Variants in ARHGAP6 observed in about 807,000 individuals in gnomAD.
The protein encoded by ARHGAP6 is Rho GTPase activating protein 6, also known as rho GTPase-activating protein 6.
ARHGAP6 carries 16 observed loss-of-function variants against 55.7 expected under a neutral mutation model. That is an observed-to-expected ratio of 0.29 (90% CI 0.19 to 0.44). The LOEUF is 0.44. Among genes scored for constraint, ARHGAP6 ranks in the 20% least tolerant of loss-of-function variants. The pLI is 1.00. For missense variants in ARHGAP6, 698 were observed against 808.9 expected, an observed-to-expected ratio of 0.86 and a Z score of 1.66; for synonymous variants, 382 against 360.9, an observed-to-expected ratio of 1.06 and a Z score of -0.66.
chrX:11,207,240 G>A (rs750276076), intron 2 of ARHGAP6, among the ~76,000 whole-genome samples: 12 of 108,725 alleles, frequency 1.1e-4, no homozygotes, highest in African/African-American at 1.3e-4. Flanking sequence ...TGTTGGCCAG[G>A]TTGGTCTTGA....
intron 1 of ARHGAP6, among the ~76,000 whole-genome samples, chrX:11,302,393 G>T (rs775291070): frequency 1.2e-4 from 13 of 112,222 alleles, no homozygotes; most frequent in Non-Finnish European, 2.1e-4. Context: ...ACAGCAAGTT[G>T]TTCCCCAAGC....
chrX:11,495,065 T>A (rs1398786606), intron 1 of ARHGAP6, among the ~76,000 whole-genome samples: 1 of 112,272 alleles, frequency 8.9e-6, no homozygotes, highest in South Asian at 3.7e-4. Flanking sequence ...TCAGGACCTA[T>A]ATTTGCATTT....
chrX:11,355,715 T>C (rs2048922605), intron 1 of ARHGAP6, among the ~76,000 whole-genome samples: 1 of 111,408 alleles, frequency 9.0e-6, no homozygotes, highest in African/African-American at 3.3e-5. Flanking sequence ...GCCAAACATA[T>C]GACCGTTAGG....
At chrX:11,620,125 T>C (rs1036676264) in intron 1 of ARHGAP6, among the ~76,000 whole-genome samples, 1 of 112,151 alleles carries the variant, frequency 8.9e-6, no homozygotes, top group African/African-American at 3.2e-5. Flanking sequence ...ATTAGTCTGA[T>C]CAATACTCCA....
At chrX:11,615,912 A>G (rs1401048934) in intron 1 of ARHGAP6, among the ~76,000 whole-genome samples, 1 of 111,887 alleles carries the variant, frequency 8.9e-6, no homozygotes, top group Non-Finnish European at 1.9e-5. Context: ...AGGTCACAGT[A>G]ATGTATGGAG....
chrX:11,218,276 G>A (rs1166754856), intron 2 of ARHGAP6, among the ~76,000 whole-genome samples: 2 of 111,919 alleles, frequency 1.8e-5, no homozygotes, highest in African/African-American at 3.2e-5. Context: ...GATGGGGATA[G>A]CATTGAATCT....
In ARHGAP6 at chrX:11,255,173, G is replaced by T. The variant is rs185872622; in HGVS notation, c.589-466C>A. ...AATAAAAATCGTACATATTCATGGG[G>T]CACATGGTGATATTTCTATACATAT... is the stretch of plus-strand genomic sequence containing the variant. On this transcript the variant is annotated intron_variant, in intron 1 of 12. Transcript: ENST00000337414. 3.6e-5 allele frequency among the ~76,000 whole-genome samples: 4 copies of T among 111,418 alleles called. No homozygotes were observed. In the East Asian group the frequency reaches 1.1e-3, roughly 31 times the overall value.
chrX:11,497,432 G>A lies in ARHGAP6; in HGVS notation c.588+166809C>T, dbSNP rs751466752. Among the ~76,000 whole-genome samples the A allele has an allele frequency of 2.7e-5, 3 of 110,683 alleles. No homozygotes were observed. The Admixed American group carries it at 2.9e-4, about 11-fold the overall frequency. On this transcript the variant is annotated intron_variant, in intron 1 of 12. Coordinates refer to ENST00000337414, the MANE Select transcript of ARHGAP6 (RefSeq NM_013427.3). Reference sequence around the variant, plus strand: ...CAATGTAATGGAATGTGAAGGCAAGGTCTTTGGAAGATAATTAGGTCCAGA... The same window carrying A: ...CAATGTAATGGAATGTGAAGGCAAGATCTTTGGAAGATAATTAGGTCCAGA...
intron 1 of ARHGAP6, among the ~76,000 whole-genome samples, chrX:11,387,552 GAAGA>G (rs2049343631): frequency 1.8e-5 from 2 of 111,468 alleles, no homozygotes; most frequent in African/African-American, 3.3e-5. Context: ...AGGAAGAAAG[GAAGA>G]AATTTTTTTA....
In ARHGAP6 at chrX:11,285,164, G is replaced by GTTT. The variant is rs112532582; in HGVS notation, c.589-30460_589-30458dup. On this transcript the variant is annotated intron_variant, in intron 1 of 12. Coordinates refer to ENST00000337414, the MANE Select transcript of ARHGAP6 (RefSeq NM_013427.3). ...TTCCAGATGAACAACCACACAGATTGTTTTTTTTTTTTTTTTCCAAACATT... is the reference window on the plus strand; with the variant it reads ...TTCCAGATGAACAACCACACAGATTGTTTTTTTTTTTTTTTTTTTCCAAACATT... Among the ~76,000 whole-genome samples the GTTT allele has an allele frequency of 2.0e-3, 175 of 87,790 alleles. 3 individuals are homozygous for GTTT. Among genetic ancestry groups the GTTT allele is most frequent in the South Asian group, 6.2e-3 (11 of 1,782 alleles). 76.2% of individuals were successfully genotyped at this position (87,790 alleles called of 115,157 possible).
At chrX:11,635,867 C>G (rs1370657640) in intron 1 of ARHGAP6, among the ~76,000 whole-genome samples, 1 of 111,906 alleles carries the variant, frequency 8.9e-6, no homozygotes, top group Non-Finnish European at 1.9e-5. Flanking sequence ...TAGGACATAT[C>G]CCTTGTGCTC....
chrX:11,312,685 A>G (rs958122669), intron 1 of ARHGAP6, among the ~76,000 whole-genome samples: 12 of 111,736 alleles, frequency 1.1e-4, no homozygotes, highest in African/African-American at 3.9e-4. Flanking sequence ...GTTGTTGTGG[A>G]TGATGATGAT....
intron 1 of ARHGAP6, among the ~76,000 whole-genome samples, chrX:11,612,580 C>G (rs1213207162): frequency 1.8e-5 from 2 of 112,045 alleles, no homozygotes; most frequent in African/African-American, 3.2e-5. Context: ...ATCTGTGAAC[C>G]AGGAAGTAGA....
intron 9 of ARHGAP6, among the ~76,000 whole-genome samples, chrX:11,167,135 T>C (rs1201793754): frequency 3.6e-5 from 4 of 112,058 alleles, no homozygotes; most frequent in African/African-American, 1.3e-4. Flanking sequence ...CCAATATTTA[T>C]TGTGTTCCTA....
intron 1 of ARHGAP6, among the ~76,000 whole-genome samples, chrX:11,593,138 A>G (rs775392560): frequency 5.2e-4 from 58 of 112,284 alleles, no homozygotes; most frequent in Admixed American, 9.5e-4. Flanking sequence ...CATACTTTGA[A>G]CTATTCTAGA....
At chrX:11,603,788 A>G (rs1042770029) in intron 1 of ARHGAP6, among the ~76,000 whole-genome samples, 2 of 112,310 alleles carry the variant, frequency 1.8e-5, no homozygotes, top group Non-Finnish European at 3.8e-5. Flanking sequence ...GTGCACTTTT[A>G]TGGTCTGTAT....
At chrX:11,415,451 C>T (rs776284505) in intron 1 of ARHGAP6, among the ~76,000 whole-genome samples, 26 of 111,843 alleles carry the variant, frequency 2.3e-4, no homozygotes, top group African/African-American at 7.8e-4. Context: ...AACTCACTGA[C>T]GAAACAGAAA....
chrX:11,395,565 A>G (rs1356586587), intron 1 of ARHGAP6, among the ~76,000 whole-genome samples: 1 of 112,250 alleles, frequency 8.9e-6, no homozygotes, highest in Non-Finnish European at 1.9e-5. Flanking sequence ...GATGCACACA[A>G]CTGGTTCTCC....
intron 7 of ARHGAP6, 68 bp downstream of exon 7, chrX:11,179,234 T>C (rs1243201510): frequency 9.7e-7 from 1 of 1,025,877 alleles, no homozygotes; most frequent in East Asian, 3.4e-5. Flanking sequence ...ATGCATAAAG[T>C]TATGATGAAT....
Sources: allele counts gnomAD v4.1 joint callset (sites outside exome capture counted in the v4.1 genomes callset), GRCh38; gene constraint gnomAD v4.1.1; transcripts MANE v1.5; gene names NCBI Gene and HGNC (gene_info 2026-07-23, HGNC 2026-07-21).